Variants in FRY observed in about 807,000 individuals in gnomAD.
FRY encodes FRY microtubule binding protein.
Under a neutral mutation model 348.4 loss-of-function variants are expected in FRY, and 128 were observed. That is an observed-to-expected ratio of 0.37 (90% CI 0.32 to 0.43). The LOEUF (loss-of-function observed/expected upper bound fraction) is 0.43, where lower values mean the gene tolerates loss of function less well. Ranked by LOEUF, FRY falls within the 20% of genes least tolerant of loss-of-function variation. FRY has a pLI of 1.00. For missense variants in FRY, 2,736 were observed against 3,695.2 expected, an observed-to-expected ratio of 0.74 and a Z score of 6.73; for synonymous variants, 1,370 against 1,374.7, an observed-to-expected ratio of 1.00 and a Z score of 0.08.
intron 3 of FRY, among the ~76,000 whole-genome samples, chr13:32,113,677 A>G (rs577690716): frequency 6.6e-6 from 1 of 152,358 alleles, no homozygotes; most frequent in South Asian, 2.1e-4. Context: ...GCCCTCTTTC[A>G]TCAGGAGCAC....
At chr13:32,155,783 C>T (rs1881071146) in intron 15 of FRY, 121 bp downstream of exon 15, 4 of 654,914 alleles carry the variant, frequency 6.1e-6, no homozygotes, top group Middle Eastern at 4.2e-4. Context: ...ATAAGACATT[C>T]CAACATTAAT....
chr13:32,212,805 T>G (rs1367301436), intron 35 of FRY, among the ~76,000 whole-genome samples: 1 of 152,210 alleles, frequency 6.6e-6, no homozygotes, highest in Non-Finnish European at 1.5e-5. Flanking sequence ...TACTTTTGCT[T>G]TGTGCTGTCT....
intron 1 of FRY, among the ~76,000 whole-genome samples, chr13:32,064,241 TCAC>T (rs1874108247): frequency 6.6e-6 from 1 of 152,054 alleles, no homozygotes; most frequent in Non-Finnish European, 1.5e-5. Flanking sequence ...ATGTGAGCCA[TCAC>T]CACATTCCCC....
intron 2 of FRY, among the ~76,000 whole-genome samples, chr13:32,092,842 C>T (rs1876415578): frequency 6.6e-6 from 1 of 151,958 alleles, no homozygotes; most frequent in Non-Finnish European, 1.5e-5. Context: ...TATAGCTCCA[C>T]CAGGAAAAGA....
intron 43 of FRY, among the ~76,000 whole-genome samples, chr13:32,236,844 CAT>C (rs1041065169): frequency 7.2e-5 from 11 of 152,056 alleles, no homozygotes; most frequent in Admixed American, 2.0e-4. Context: ...TCTATATTAA[CAT>C]AAAGATTTAT....
At chr13:32,082,817 T>G (rs1198122884) in intron 2 of FRY, among the ~76,000 whole-genome samples, 1 of 152,190 alleles carries the variant, frequency 6.6e-6, no homozygotes, top group Non-Finnish European at 1.5e-5. Context: ...TGTAGTGAAT[T>G]TGTTATTTCT....
chr13:32,272,188 G>C (rs181549071), intron 55 of FRY, among the ~76,000 whole-genome samples: 16 of 152,292 alleles, frequency 1.1e-4, no homozygotes, highest in Middle Eastern at 3.4e-3. Context: ...TGCCTGTTAT[G>C]AATCATTTGT....
At chr13:32,285,410 G>A (rs1888996797) in intron 58 of FRY, among the ~76,000 whole-genome samples, 3 of 152,146 alleles carry the variant, frequency 2.0e-5, no homozygotes, top group African/African-American at 7.2e-5. Flanking sequence ...TACCTAAAAA[G>A]GAACGTTTAG....
At chr13:32,273,215 A>C (rs1287949669) in intron 55 of FRY, among the ~76,000 whole-genome samples, 2 of 149,276 alleles carry the variant, frequency 1.3e-5, no homozygotes, top group African/African-American at 5.0e-5. Context: ...CGAGTCATTT[A>C]ACTGTTCTTT....
At position 32,247,304 on chromosome 13, in the gene FRY, A is replaced by T. The variant is rs1411847417; in HGVS notation, c.6829-19A>T. ...AAAATTAAATTATTTTTAACCCTTG[A>T]ATGTTTTATTTCCTGCAGAGTGTTC... On this transcript the variant is annotated intron_variant, in intron 47 of 60. Coordinates refer to ENST00000542859, the MANE Select transcript of FRY (RefSeq NM_023037.3). The T allele has an allele frequency of 4.4e-6, 7 of 1,596,840 alleles. No homozygotes were observed. The highest frequency in any genetic ancestry group is 5.2e-6 in the Non-Finnish European group (6 of 1,164,364).
At chr13:32,062,177 T>A (rs1003216316) in intron 1 of FRY, among the ~76,000 whole-genome samples, 1 of 151,908 alleles carries the variant, frequency 6.6e-6, no homozygotes, top group Non-Finnish European at 1.5e-5. Context: ...GAACTTTTTT[T>A]TTCCTCCCAA....
chr13:32,245,291 A>G (rs934146310), intron 47 of FRY, among the ~76,000 whole-genome samples: 5 of 151,854 alleles, frequency 3.3e-5, no homozygotes, highest in Admixed American at 2.6e-4. Flanking sequence ...CAGAAACACA[A>G]TTTATTTTAA....
intron 59 of FRY, 44 bp from the exon 60 acceptor site, chr13:32,294,324 C>G (rs1353080006): frequency 2.9e-6 from 4 of 1,388,414 alleles, no homozygotes; most frequent in Non-Finnish European, 4.1e-6. Context: ...GTAAAATTCC[C>G]CCAGCACCTA....
rs533080578 is a variant in FRY, at chr13:32,187,419, G to A, written c.3481-127G>A. 21 of 686,056 alleles carry A rather than the reference G, an allele frequency of 3.1e-5. No individual in the cohort carries two copies. The African/African-American group carries it at 3.4e-4, about 11-fold the overall frequency. The allele number at this position is 686,056 out of a possible 1,614,324, so 42.5% of individuals were successfully genotyped here. On this transcript the variant is annotated intron_variant, in intron 27 of 60. Coordinates refer to ENST00000542859, the MANE Select transcript of FRY (RefSeq NM_023037.3). ...CTAAAGAATGCTTTAAAAATCATGGGGAAATAAGTGTCTTTAGAGGGCCCT... is the reference window on the plus strand; with the variant it reads ...CTAAAGAATGCTTTAAAAATCATGGAGAAATAAGTGTCTTTAGAGGGCCCT...
In FRY at chr13:32,298,936, G is replaced by C. The variant is rs900543973; in HGVS notation, c.*3476G>C. On this transcript the variant is annotated 3_prime_UTR_variant, in exon 61 of 61. Transcript: ENST00000542859. ...ACTGAATGTTTGCGGGCAGGGTAGT[G>C]ACATGCTGTGACTTATGTTTAAAAG... 2 of 152,306 alleles carry C rather than the reference G, an allele frequency of 1.3e-5. No homozygotes were observed. Among genetic ancestry groups the C allele is most frequent in the Admixed American group, 1.3e-4 (2 of 15,302 alleles). 9.4% of individuals were successfully genotyped at this position (152,306 alleles called of 1,614,324 possible).
intron 2 of FRY, among the ~76,000 whole-genome samples, chr13:32,094,170 C>A (rs376614441): frequency 2.0e-5 from 3 of 151,914 alleles, no homozygotes; most frequent in Non-Finnish European, 2.9e-5. Context: ...AGTAGAACTG[C>A]AAGCAGAAGC....
chr13:32,150,091 A>G (rs1416598083), intron 14 of FRY, among the ~76,000 whole-genome samples: 1 of 152,250 alleles, frequency 6.6e-6, no homozygotes, highest in Admixed American at 6.5e-5. Flanking sequence ...TTCTTGCCCA[A>G]AAAGATAATT....
At chr13:32,252,248 C>G (rs1228844717) in intron 50 of FRY, among the ~76,000 whole-genome samples, 1 of 151,822 alleles carries the variant, frequency 6.6e-6, no homozygotes, top group East Asian at 1.9e-4. Context: ...GAATGTCTTA[C>G]AACGTAAATG....
chr13:32,219,496 C>A (rs919243383), intron 36 of FRY, among the ~76,000 whole-genome samples: 1 of 150,302 alleles, frequency 6.7e-6, no homozygotes, highest in African/African-American at 2.4e-5. Flanking sequence ...CGGTGGCTCA[C>A]GCCTGTAATC....
Sources: allele counts gnomAD v4.1 joint callset (sites outside exome capture counted in the v4.1 genomes callset), GRCh38; gene constraint gnomAD v4.1.1; transcripts MANE v1.5; gene names NCBI Gene and HGNC (gene_info 2026-07-23, HGNC 2026-07-21).